FHIT: variants seen among roughly 807,000 people sequenced by gnomAD.
FHIT encodes the protein fragile histidine triad diadenosine triphosphatase, also known as bis(5'-adenosyl)-triphosphatase.
A neutral mutation model predicts 17.9 loss-of-function variants in FHIT; 19 were observed. The ratio of observed to expected loss-of-function variants is 1.06; its 90% confidence interval spans 0.74 to 1.56. The LOEUF is 1.56. Among genes scored for constraint, FHIT ranks in the 40% most tolerant of loss-of-function variants. The probability of loss-of-function intolerance (pLI) is 0.00; values close to 1 mark genes in which losing one functional copy is unlikely to be tolerated. For synonymous variants in FHIT, 81 were observed against 69.7 expected, an observed-to-expected ratio of 1.16 and a Z score of -0.81; for missense variants, 248 against 189.2, an observed-to-expected ratio of 1.31 and a Z score of -1.82.
At chr3:60,686,138 T>G (rs560728003) in intron 4 of FHIT, among the ~76,000 whole-genome samples, 1 of 152,196 alleles carries the variant, frequency 6.6e-6, no homozygotes, top group Non-Finnish European at 1.5e-5. Flanking sequence ...ATTGAAGATA[T>G]TGTTTCATTG....
chr3:61,061,707 G>A (rs2034436834), intron 2 of FHIT, among the ~76,000 whole-genome samples: 1 of 151,916 alleles, frequency 6.6e-6, no homozygotes, highest in Admixed American at 6.6e-5. Context: ...TTGTCCCTCG[G>A]GAGGAATATT....
chr3:60,673,724 ATTCTATTGTC>A (rs1391304842), intron 4 of FHIT, among the ~76,000 whole-genome samples: 6 of 152,284 alleles, frequency 3.9e-5, no homozygotes, highest in African/African-American at 1.4e-4. Flanking sequence ...TAAAAATGTC[ATTCTATTGTC>A]TTCTGGCTTG....
intron 3 of FHIT, among the ~76,000 whole-genome samples, chr3:60,983,307 C>T (rs748083343): frequency 2.0e-5 from 3 of 152,032 alleles, no homozygotes; most frequent in South Asian, 2.1e-4. Flanking sequence ...GAGGAAGGGA[C>T]GGAGAACAAG....
intron 5 of FHIT, among the ~76,000 whole-genome samples, chr3:60,240,006 G>A (rs995838248): frequency 6.6e-6 from 1 of 152,038 alleles, no homozygotes; most frequent in Non-Finnish European, 1.5e-5. Flanking sequence ...AAATTCACAG[G>A]ACTGCTATCA....
intron 3 of FHIT, among the ~76,000 whole-genome samples, chr3:60,878,490 C>T (rs1004629102): frequency 2.6e-5 from 4 of 151,912 alleles, no homozygotes; most frequent in Non-Finnish European, 5.9e-5. Context: ...CACTACCATA[C>T]CCCTTTTTTT....
At chr3:60,530,641 G>A (rs2035743075) in intron 5 of FHIT, among the ~76,000 whole-genome samples, 1 of 152,076 alleles carries the variant, frequency 6.6e-6, no homozygotes. Flanking sequence ...CTCAACCTTG[G>A]CAGCTCACTA....
chr3:60,886,583 G>T (rs1705231071), intron 3 of FHIT, among the ~76,000 whole-genome samples: 1 of 152,106 alleles, frequency 6.6e-6, no homozygotes, highest in Non-Finnish European at 1.5e-5. Context: ...GGGGCAGTTG[G>T]CATCAAGACA....
At chr3:60,668,351 A>G (rs1436285665) in intron 4 of FHIT, among the ~76,000 whole-genome samples, 2 of 130,276 alleles carry the variant, frequency 1.5e-5, no homozygotes, top group African/African-American at 5.8e-5. Flanking sequence ...ATAGTTCCAG[A>G]GGGACATCCG....
chr3:60,562,189 A>G (rs997775546), intron 4 of FHIT, among the ~76,000 whole-genome samples: 33 of 152,326 alleles, frequency 2.2e-4, no homozygotes, highest in African/African-American at 6.7e-4. Flanking sequence ...TAATTAATCT[A>G]TATTACTTTA....
chr3:61,179,837 A>G (rs754662586), intron 2 of FHIT, among the ~76,000 whole-genome samples: 1 of 151,126 alleles, frequency 6.6e-6, no homozygotes, highest in Non-Finnish European at 1.5e-5. Flanking sequence ...TGAGTGGAAG[A>G]TGGCATCAGA....
intron 5 of FHIT, among the ~76,000 whole-genome samples, chr3:60,385,559 T>C (rs868537840): frequency 1.3e-5 from 2 of 152,188 alleles, no homozygotes; most frequent in African/African-American, 2.4e-5. Context: ...TATACTATAA[T>C]TCTGAGTTAA....
At chr3:59,901,255 T>A (rs1053785049) in intron 8 of FHIT, among the ~76,000 whole-genome samples, 3 of 152,232 alleles carry the variant, frequency 2.0e-5, no homozygotes, top group African/African-American at 7.2e-5. Context: ...ATTCTAGGTT[T>A]TAAAATTTCA....
intron 5 of FHIT, among the ~76,000 whole-genome samples, chr3:60,279,202 G>T (rs1437436912): frequency 6.6e-6 from 1 of 151,894 alleles, no homozygotes; most frequent in Non-Finnish European, 1.5e-5. Context: ...ATGAAAGAGG[G>T]GTCATCACTA....
At chr3:61,160,802 T>G (rs999153027) in intron 2 of FHIT, among the ~76,000 whole-genome samples, 1 of 152,232 alleles carries the variant, frequency 6.6e-6, no homozygotes, top group South Asian at 2.1e-4. Flanking sequence ...CCCTATGGTC[T>G]TTAATGCATT....
At chr3:60,621,624 G>A (rs782365319) in intron 4 of FHIT, among the ~76,000 whole-genome samples, 6 of 152,068 alleles carry the variant, frequency 3.9e-5, no homozygotes, top group Non-Finnish European at 7.4e-5. Context: ...CATGTGCAAG[G>A]TGGTCACTAT....
At chr3:60,078,167 T>C (rs745383869) in intron 5 of FHIT, among the ~76,000 whole-genome samples, 3 of 152,054 alleles carry the variant, frequency 2.0e-5, no homozygotes, top group Non-Finnish European at 4.4e-5. Context: ...AGAAAAAACA[T>C]ACTACATTTT....
At chr3:60,478,580 A>G (rs1242057330) in intron 5 of FHIT, among the ~76,000 whole-genome samples, 1 of 152,040 alleles carries the variant, frequency 6.6e-6, no homozygotes, top group Non-Finnish European at 1.5e-5. Context: ...GATGGTGGTG[A>G]TGATGATGAT....
chr3:60,086,394 T>A (rs1304610797), intron 5 of FHIT, among the ~76,000 whole-genome samples: 1 of 152,146 alleles, frequency 6.6e-6, no homozygotes, highest in South Asian at 2.1e-4. Flanking sequence ...CCCATGTACT[T>A]CTCACATGTG....
intron 5 of FHIT, among the ~76,000 whole-genome samples, chr3:60,426,016 G>T (rs574165412): frequency 6.6e-6 from 1 of 152,088 alleles, no homozygotes; most frequent in Non-Finnish European, 1.5e-5. Flanking sequence ...GTGTCACAAG[G>T]CCTCACACAA....
Sources: allele counts gnomAD v4.1 joint callset (sites outside exome capture counted in the v4.1 genomes callset), GRCh38; gene constraint gnomAD v4.1.1; transcripts MANE v1.5; gene names NCBI Gene and HGNC (gene_info 2026-07-23, HGNC 2026-07-21).